Variants in RSRC1 observed in about 807,000 individuals in gnomAD.
RSRC1 encodes arginine and serine rich coiled-coil 1, also known as serine/Arginine-related protein 53.
A neutral mutation model predicts 49.1 loss-of-function variants in RSRC1; 39 were observed. The ratio of observed to expected loss-of-function variants is 0.79; its 90% confidence interval spans 0.61 to 1.04. The LOEUF is 1.04. Among genes scored for constraint, RSRC1 ranks in the 50% least tolerant of loss-of-function variants. RSRC1 has a pLI of 0.00. For synonymous variants in RSRC1, 143 were observed against 130.8 expected (o/e 1.09, Z -0.63); for missense variants, 388 against 402.4 (o/e 0.96, Z 0.31).
intron 6 of RSRC1, among the ~76,000 whole-genome samples, chr3:158,383,434 G>A (rs1424690493): frequency 6.6e-6 from 1 of 152,122 alleles, no homozygotes; most frequent in Non-Finnish European, 1.5e-5. Flanking sequence ...GTGGGAGGCT[G>A]ACTGTGCAGC....
chr3:158,416,918 A>G (rs964765404), intron 6 of RSRC1, among the ~76,000 whole-genome samples: 48 of 152,178 alleles, frequency 3.2e-4, no homozygotes, highest in South Asian at 6.2e-4. Context: ...ATTTTTTTTA[A>G]GGTGAATAAT....
At chr3:158,450,118 A>G (rs1736941479) in intron 6 of RSRC1, among the ~76,000 whole-genome samples, 1 of 151,776 alleles carries the variant, frequency 6.6e-6, no homozygotes, top group East Asian at 1.9e-4. Flanking sequence ...TCATCTTTCC[A>G]TCCTCAGCAT....
At chr3:158,124,185 G>GCCTCACTCATA (rs1715465015) in intron 3 of RSRC1, among the ~76,000 whole-genome samples, 194 bp downstream of exon 3, 1 of 152,114 alleles carries the variant, frequency 6.6e-6, no homozygotes. Context: ...GTCTAATGTG[G>GCCTCACTCATA]CCTCACTCAT....
intron 5 of RSRC1, among the ~76,000 whole-genome samples, chr3:158,347,746 A>C (rs1302474791): frequency 6.6e-6 from 1 of 151,930 alleles, no homozygotes; most frequent in Non-Finnish European, 1.5e-5. Context: ...TAGAGACAGG[A>C]TCTTGCTTTA....
intron 3 of RSRC1, among the ~76,000 whole-genome samples, chr3:158,143,655 T>G (rs1224709552): frequency 2.0e-5 from 3 of 152,196 alleles, no homozygotes; most frequent in Non-Finnish European, 4.4e-5. Context: ...CTCCAAATTT[T>G]TTAGCAGTCA....
intron 7 of RSRC1, among the ~76,000 whole-genome samples, chr3:158,487,858 G>C (rs1047929819): frequency 6.8e-6 from 1 of 147,690 alleles, no homozygotes; most frequent in Non-Finnish European, 1.5e-5. Flanking sequence ...GCTGAGGTGG[G>C]AGAATTGCTT....
chr3:158,145,073 C>T (rs909754942), intron 3 of RSRC1, among the ~76,000 whole-genome samples: 6 of 152,056 alleles, frequency 3.9e-5, no homozygotes, highest in Non-Finnish European at 5.9e-5. Flanking sequence ...TTCTCCCATT[C>T]TGTAGGTTGC....
intron 3 of RSRC1, among the ~76,000 whole-genome samples, chr3:158,185,075 G>T (rs1371086365): frequency 6.6e-6 from 1 of 151,832 alleles, no homozygotes; most frequent in Non-Finnish European, 1.5e-5. Context: ...AAATGTTCAT[G>T]TACAGATTTA....
chr3:158,360,907 A>C (rs1369860528), intron 6 of RSRC1, among the ~76,000 whole-genome samples: 1 of 152,160 alleles, frequency 6.6e-6, no homozygotes, highest in Admixed American at 6.5e-5. Context: ...TGTCAGCTCC[A>C]TGGAGCATGC....
intron 6 of RSRC1, among the ~76,000 whole-genome samples, chr3:158,396,792 A>G (rs1733635864): frequency 6.6e-6 from 1 of 152,160 alleles, no homozygotes; most frequent in Non-Finnish European, 1.5e-5. Flanking sequence ...ACTCAATACA[A>G]ATCTCAAAGG....
intron 5 of RSRC1, chr3:158,303,605 A>G (rs1247304370): frequency 2.0e-5 from 3 of 152,224 alleles, no homozygotes; most frequent in Non-Finnish European, 4.4e-5. Flanking sequence ...GACCACCAGC[A>G]AGAAAAATAC....
chr3:158,515,459 G>A (rs376507644), intron 7 of RSRC1, among the ~76,000 whole-genome samples: 6,452 of 131,052 alleles, frequency 0.049, 204 homozygotes, highest in East Asian at 0.074. Context: ...CGTTTCTGCC[G>A]AGAGATCCGC....
Position 158,202,562 on chromosome 3 carries a change from T to TTTTATA in RSRC1, c.321-509_321-508insTTATAT, listed in dbSNP as rs369404609. On this transcript the variant is annotated intron_variant, in intron 3 of 9. Coordinates refer to ENST00000611884, the MANE Select transcript of RSRC1 (RefSeq NM_001271838.2). ...TCTGTAGGGTTGTCAGTCTGGTAGA[T>TTTTATA]TATATATATATATATATATGTTTTA... Among the ~76,000 whole-genome samples, 361 of 92,000 alleles carry TTTTATA rather than the reference T, an allele frequency of 3.9e-3. 35 individuals are homozygous for TTTTATA. Among genetic ancestry groups the TTTTATA allele is most frequent in the African/African-American group, 0.013 (254 of 18,928 alleles). The allele number at this position is 92,000 out of a possible 152,430, so 60.4% of individuals were successfully genotyped here.
At chr3:158,351,639 CTA>C (rs1379232868) in intron 5 of RSRC1, among the ~76,000 whole-genome samples, 9 of 151,746 alleles carry the variant, frequency 5.9e-5, no homozygotes, top group Admixed American at 4.6e-4. Context: ...GCATTTATAT[CTA>C]TGTGAATTAA....
rs1738441026 is a variant in RSRC1 at position 158,477,801 on chromosome 3, TA to T, written c.652+16799del. On this transcript the variant is annotated intron_variant, in intron 7 of 9. Transcript: ENST00000611884. Reference sequence around the variant, plus strand: ...TGGGATAGGTTGCGGGAGGGATTTATATATATATATATATATATATATATAT... The same window carrying T: ...TGGGATAGGTTGCGGGAGGGATTTATTATATATATATATATATATATATAT... Among the ~76,000 whole-genome samples, 85 of 80,630 alleles carry T rather than the reference TA, an allele frequency of 1.1e-3. 10 individuals carry two copies. The highest frequency in any genetic ancestry group is 2.5e-3 in the African/African-American group (57 of 22,688). 52.9% of individuals were successfully genotyped at this position (80,630 alleles called of 152,430 possible).
In RSRC1 at chr3:158,215,122, C is replaced by G. The variant is rs1005312660; in HGVS notation, c.494+11877C>G. ...TGTCTTCTTGGTGATTTGGTGCTTT[C>G]ATCTTTGTTCTTCATAGTTTTATTG... On this transcript the variant is annotated intron_variant, in intron 4 of 9. Transcript: ENST00000611884. Among the ~76,000 whole-genome samples the G allele has an allele frequency of 7.3e-5, 11 of 151,614 alleles. No individual in the cohort carries two copies. In the South Asian group the frequency reaches 2.3e-3, roughly 31 times the overall value.
chr3:158,274,579 A>C (rs529771893), intron 4 of RSRC1, among the ~76,000 whole-genome samples: 1 of 152,314 alleles, frequency 6.6e-6, no homozygotes, highest in South Asian at 2.1e-4. Context: ...AAATCGGTTC[A>C]GAGAAGCAAG....
At chr3:158,201,263 T>A (rs1721031400) in intron 3 of RSRC1, among the ~76,000 whole-genome samples, 1 of 152,164 alleles carries the variant, frequency 6.6e-6, no homozygotes, top group Admixed American at 6.5e-5. Context: ...GTGTTGTTTT[T>A]TCCTCTGAAT....
chr3:158,392,140 T>C (rs1733340545), intron 6 of RSRC1, among the ~76,000 whole-genome samples: 1 of 152,112 alleles, frequency 6.6e-6, no homozygotes, highest in Admixed American at 6.6e-5. Context: ...AAACTGATTA[T>C]AATGTACTCT....
Sources: allele counts gnomAD v4.1 joint callset (sites outside exome capture counted in the v4.1 genomes callset), GRCh38; gene constraint gnomAD v4.1.1; transcripts MANE v1.5; gene names NCBI Gene and HGNC (gene_info 2026-07-23, HGNC 2026-07-21).